TSC2: variants seen among roughly 807,000 people sequenced by gnomAD.
TSC2 encodes the protein TSC complex subunit 2.
Under a neutral mutation model 202.2 loss-of-function variants are expected in TSC2, and 29 were observed. The ratio of observed to expected loss-of-function variants is 0.14; its 90% CI spans 0.11 to 0.20. The LOEUF is 0.20. TSC2 is among the 10% of genes least tolerant of loss of function. The pLI is 1.00. For synonymous variants in TSC2, 1,349 were observed against 1,044.0 expected (o/e 1.29, Z -5.63); for missense variants, 2,429 against 2,420.0 (o/e 1.00, Z -0.08).
At chr16:2,082,287 C>A in intron 31 of TSC2, 149 bp from the exon 32 acceptor site, 1 of 863,012 alleles carries the variant, frequency 1.2e-6, no homozygotes, top group Non-Finnish European at 1.9e-6. Flanking sequence ...GCCCAAGCAG[C>A]TTGTAGCTAG....
intron 31 of TSC2, chr16:2,082,226 G>A: frequency 1.6e-6 from 1 of 622,130 alleles, no homozygotes; most frequent in South Asian, 1.9e-5. Context: ...GCACTTAGCG[G>A]CCTAGGACGT....
intron 33 of TSC2, among the ~76,000 whole-genome samples, 160 bp downstream of exon 33, chr16:2,083,976 A>G (rs1045413795): frequency 6.6e-6 from 1 of 152,208 alleles, no homozygotes; most frequent in Non-Finnish European, 1.5e-5. Flanking sequence ...CTTTGCAGCC[A>G]TCCACCTGGG....
chr16:2,051,107 C>T (rs189369498), intron 3 of TSC2, among the ~76,000 whole-genome samples: 11 of 151,258 alleles, frequency 7.3e-5, no homozygotes, highest in African/African-American at 2.7e-4. Flanking sequence ...GGGTGGATCA[C>T]GAGGTCAGGA....
rs137853995 is a variant in TSC2 at position 2,074,254 on chromosome 16, T to G, written c.2410T>G (p.Cys804Gly). 6.2e-7 allele frequency: 1 copy of G among 1,612,858 alleles called. No homozygotes were observed. The highest frequency in any genetic ancestry group is 8.5e-7 in the Non-Finnish European group (1 of 1,180,022). Residue 804 changes from cysteine to glycine, a missense_variant, in exon 22 of 42, where the codon TGC becomes GGC. Coordinates refer to ENST00000219476, the MANE Select transcript of TSC2 (RefSeq NM_000548.5). ...QGLIHRCASQ[C>G]VVALSICSVE... The stretch of plus-strand genomic sequence containing the variant: ...CCTCATCCACCGCTGTGCCAGCCAG[T>G]GCGTCGTGGCCTTGTCCATCTGCAG...
In TSC2 at chr16:2,089,370, C is replaced by T. The variant is rs2091339624; in HGVS notation, c.*760C>T. On this transcript the variant is annotated 3_prime_UTR_variant, in exon 42 of 42. Transcript: ENST00000219476. ...AGGGGCAGGGTGGCGGCGGTGCAGG[C>T]TAACCCTCCCTGAAGCCAGCAGCCT... The T allele has an allele frequency of 5.1e-6, 2 of 391,338 alleles. No homozygotes were observed. Among genetic ancestry groups the T allele is most frequent in the Admixed American group, 4.1e-5 (1 of 24,352 alleles). The allele number at this position is 391,338 out of a possible 1,614,324, so 24.2% of individuals were successfully genotyped here.
chr16:2,084,737 G>C (rs748838230), intron 34 of TSC2, 22 bp downstream of exon 34: 3 of 1,598,410 alleles, frequency 1.9e-6, no homozygotes, highest in Non-Finnish European at 2.5e-6. Flanking sequence ...GCTTCCGGGC[G>C]GGGCTCCTGA....
chr16:2,049,120 C>G (rs983721873), intron 2 of TSC2, among the ~76,000 whole-genome samples: 3 of 151,970 alleles, frequency 2.0e-5, no homozygotes, highest in African/African-American at 2.4e-5. Context: ...GAGTCTTGCT[C>G]TGTTGCCTAG....
chr16:2,049,833 T>A (rs981763408), intron 2 of TSC2, among the ~76,000 whole-genome samples: 1 of 151,594 alleles, frequency 6.6e-6, no homozygotes, highest in African/African-American at 2.4e-5. Context: ...TAAAAAAAAA[T>A]TGTGCAGTTT....
In TSC2 at chr16:2,083,792, C is replaced by G. The variant is rs876659087; in HGVS notation, c.3981C>G (p.Asp1327Glu). 4 of 1,611,546 alleles carry G rather than the reference C, an allele frequency of 2.5e-6. No individual in the cohort carries two copies. Among genetic ancestry groups the G allele is most frequent in the Non-Finnish European group, 3.4e-6 (4 of 1,179,626 alleles). Reference sequence around the variant, plus strand: ...ACGTTGAGGCAGCGCTAGGCATGGACAGGCGCACGGATGCCTACAGCAGGG... The same window carrying G: ...ACGTTGAGGCAGCGCTAGGCATGGAGAGGCGCACGGATGCCTACAGCAGGG... ...LEDVEAALGM[D>E]RRTDAYSRSS... The change falls in exon 33 of 42, where the codon GAC becomes GAG. Residue 1327 changes from aspartate to glutamate, a missense_variant. Transcript: ENST00000219476.
intron 6 of TSC2, 85 bp downstream of exon 6, chr16:2,055,604 G>C: frequency 7.5e-7 from 1 of 1,340,494 alleles, no homozygotes; most frequent in Non-Finnish European, 1.1e-6. Flanking sequence ...CAAAAAAATA[G>C]AGGTTGGGCT....
chr16:2,074,899 G>A (rs2151366540), intron 22 of TSC2: 1 of 222,424 alleles, frequency 4.5e-6, no homozygotes, highest in East Asian at 1.0e-4. Context: ...CGGTCTTTCT[G>A]TTTTGTTGAT....
rs886967127 is a variant in TSC2, at chr16:2,057,231, G to A, written c.848+53G>A. The A allele has an allele frequency of 9.1e-6, 14 of 1,546,474 alleles. No individual in the cohort carries two copies. In the African/African-American group the frequency reaches 1.8e-4, roughly 20 times the overall value. ...AGTGGAGGCCAGCACAGCCCTCGGG[G>A]CAGCTCCAGTGTCCCTTGCCAAGCA... On this transcript the variant is annotated intron_variant, in intron 9 of 41. Transcript: ENST00000219476.
At position 2,072,660 on chromosome 16, in the gene TSC2, C is replaced by T. The variant is rs1306260087; in HGVS notation, c.2221-189C>T. The T allele has an allele frequency of 1.4e-5, 13 of 952,718 alleles. No homozygotes were observed. In the South Asian group the frequency reaches 1.4e-4, roughly 10 times the overall value. The allele number at this position is 952,718 out of a possible 1,614,324, so 59.0% of individuals were successfully genotyped here. A position where few individuals can be genotyped will look rare whatever the true frequency, so the allele number is the denominator to read the frequency against. On this transcript the variant is annotated intron_variant, in intron 20 of 41. Transcript: ENST00000219476. The stretch of plus-strand genomic sequence containing the variant: ...CTCCCGTGCCGTTCACCTCACATTC[C>T]TGGTGTGTTACTTGGCAGGCACTCC...
At chr16:2,048,161 G>A in intron 1 of TSC2, 96 bp downstream of exon 1, 1 of 1,536,268 alleles carries the variant, frequency 6.5e-7, no homozygotes, top group Non-Finnish European at 8.8e-7. Flanking sequence ...GCCCTCACCC[G>A]CGCCCACTGC....
chr16:2,083,320 C>T (rs529359067), intron 32 of TSC2: 21 of 458,080 alleles, frequency 4.6e-5, no homozygotes, highest in Middle Eastern at 3.2e-4. Flanking sequence ...ACGGAGTCTC[C>T]GCAGCTCTCC....
chr16:2,062,116 C>T lies in TSC2; in HGVS notation c.1257+108C>T, dbSNP rs187724978. On this transcript the variant is annotated intron_variant, in intron 12 of 41. Transcript: ENST00000219476. ...CCTCAGAAGCCAAGGGCCAGGTGGG[C>T]GCCTGCTTTCCAGGTTTCTGCACTC... 30 of 1,506,652 alleles carry T rather than the reference C, an allele frequency of 2.0e-5. 1 individual carries two copies. In the East Asian group the frequency reaches 5.2e-4, roughly 26 times the overall value. The allele number at this position is 1,506,652 out of a possible 1,614,324, so 93.3% of individuals were successfully genotyped here.
chr16:2,072,021 G>T, intron 19 of TSC2, 87 bp downstream of exon 19: 4 of 1,494,812 alleles, frequency 2.7e-6, no homozygotes, highest in East Asian at 2.5e-5. Context: ...CTCCCTCCCT[G>T]TCTGGCCTGT....
intron 16 of TSC2, among the ~76,000 whole-genome samples, chr16:2,068,929 A>G (rs2087800829): frequency 6.6e-6 from 1 of 151,636 alleles, no homozygotes; most frequent in Admixed American, 6.6e-5. Flanking sequence ...CTGTTCCTTA[A>G]GTGGAAGTGG....
At position 2,058,961 on chromosome 16, in the gene TSC2, C is replaced by T. The variant is rs532308928; in HGVS notation, c.975+88C>T. ...ACCCATCCCACTGGGGGTCCTGCTGCGGGGGCTGCGGTGGCATTTCTAGGC... is the reference window on the plus strand; with the variant it reads ...ACCCATCCCACTGGGGGTCCTGCTGTGGGGGCTGCGGTGGCATTTCTAGGC... On this transcript the variant is annotated intron_variant, in intron 10 of 41. Coordinates refer to ENST00000219476, the MANE Select transcript of TSC2 (RefSeq NM_000548.5). 1.1e-4 allele frequency: 175 copies of T among 1,543,952 alleles called. 2 individuals carry two copies. In the South Asian group the frequency reaches 1.5e-3, roughly 14 times the overall value.
Sources: gnomAD v4.1 joint callset for allele counts (sites outside exome capture counted in the v4.1 genomes callset) on GRCh38, gnomAD v4.1.1 for gene constraint, MANE v1.5 for transcripts, NCBI Gene and HGNC (gene_info 2026-07-23, HGNC 2026-07-21) for gene names.